RANBP10: variants seen among roughly 807,000 people sequenced by gnomAD.
RANBP10 encodes the protein ran-binding protein 10.
A neutral mutation model predicts 72.8 loss-of-function variants in RANBP10; 24 were observed. The observed-to-expected ratio is 0.33, with a 90% confidence interval of 0.24 to 0.46. The LOEUF (loss-of-function observed/expected upper bound fraction) is 0.46. Among genes scored for constraint, RANBP10 ranks in the 20% least tolerant of loss-of-function variants. RANBP10 has a pLI of 1.00. For synonymous variants in RANBP10, 310 were observed against 322.3 expected, an observed-to-expected ratio of 0.96 and a Z score of 0.41; for missense variants, 679 against 817.5, an observed-to-expected ratio of 0.83 and a Z score of 2.07.
chr16:67,772,196 A>C lies in RANBP10; in HGVS notation c.348-110T>G, dbSNP rs528093659. The C allele has an allele frequency of 1.1e-4, 129 of 1,163,890 alleles. No homozygotes were observed. The East Asian group carries it at 3.0e-3, about 27-fold the overall frequency. 72.1% of individuals were successfully genotyped at this position (1,163,890 alleles called of 1,614,324 possible). A position where few individuals can be genotyped will look rare whatever the true frequency, so the allele number is the denominator to read the frequency against. Reference sequence around the variant, plus strand: ...AGACAGAAAAATGAGAAAAGCAATGAATGTAGAGGCTCTTATAACATACTA... The same window carrying C: ...AGACAGAAAAATGAGAAAAGCAATGCATGTAGAGGCTCTTATAACATACTA... On this transcript the variant is annotated intron_variant, in intron 2 of 13. Coordinates refer to ENST00000317506, the MANE Select transcript of RANBP10 (RefSeq NM_020850.3).
At chr16:67,773,134 G>A (rs2054637687) in intron 2 of RANBP10, among the ~76,000 whole-genome samples, 1 of 152,212 alleles carries the variant, frequency 6.6e-6, no homozygotes, top group South Asian at 2.1e-4. Context: ...GGTGGCAGGT[G>A]TTAAGATCAT....
Position 67,729,898 on chromosome 16 carries a change from G to A in RANBP10, c.998+40C>T, listed in dbSNP as rs1192656832. On this transcript the variant is annotated intron_variant, in intron 8 of 13. Coordinates refer to ENST00000317506, the MANE Select transcript of RANBP10 (RefSeq NM_020850.3). This position sits in a 1 kb window ranked among gnomAD's most constrained non-coding sequence, Gnocchi z 7.1. ...TGACGTTCCCACCACCAGCTGAGAGGGGCTGGACTCTGGGGGAGCTGGGGG... is the reference window on the plus strand; with the variant it reads ...TGACGTTCCCACCACCAGCTGAGAGAGGCTGGACTCTGGGGGAGCTGGGGG... 2.5e-6 allele frequency: 4 copies of A among 1,613,492 alleles called. No homozygotes were observed. The highest frequency in any genetic ancestry group is 3.4e-6 in the Non-Finnish European group (4 of 1,179,808).
intron 5 of RANBP10, among the ~76,000 whole-genome samples, chr16:67,737,475 T>C (rs2053876348): frequency 1.3e-5 from 2 of 152,030 alleles, no homozygotes; most frequent in African/African-American, 4.8e-5. Flanking sequence ...GTGCTGGGAT[T>C]ACAGGTGTGA....
At chr16:67,774,759 G>GTCACCCA (rs1298618096) in intron 2 of RANBP10, among the ~76,000 whole-genome samples, 12 of 152,154 alleles carry the variant, frequency 7.9e-5, no homozygotes, top group African/African-American at 2.7e-4. Context: ...CAAATACTGG[G>GTCACCCA]TGACATTAAG....
At chr16:67,750,030 C>A (rs1184665987) in intron 3 of RANBP10, among the ~76,000 whole-genome samples, 1 of 152,224 alleles carries the variant, frequency 6.6e-6, no homozygotes, top group Non-Finnish European at 1.5e-5. Flanking sequence ...CAGTAACTGA[C>A]AACAATGTGG....
chr16:67,793,703 G>T (rs952973804), intron 2 of RANBP10, among the ~76,000 whole-genome samples: 8 of 152,004 alleles, frequency 5.3e-5, no homozygotes, highest in African/African-American at 1.7e-4. Flanking sequence ...TCTAAGTCTT[G>T]ATAATTTTAT....
intron 2 of RANBP10, among the ~76,000 whole-genome samples, chr16:67,776,446 A>G (rs1216095555): frequency 7.4e-6 from 1 of 134,332 alleles, no homozygotes; most frequent in African/African-American, 2.9e-5. Flanking sequence ...CGGACAACAG[A>G]CACGGACTCC....
intron 4 of RANBP10, among the ~76,000 whole-genome samples, chr16:67,740,667 A>C (rs1331878060): frequency 1.3e-5 from 2 of 152,164 alleles, no homozygotes; most frequent in Non-Finnish European, 2.9e-5. Context: ...GGCACTATTC[A>C]ATCCTCAGAA....
chr16:67,769,443 C>CAAAAAAAAAAA (rs768960411), intron 3 of RANBP10, among the ~76,000 whole-genome samples: 17,683 of 29,978 alleles, frequency 0.59, 7,758 homozygotes, highest in East Asian at 0.88. Context: ...GACCCTGTCT[C>CAAAAAAAAAAA]AAAAAAAAAA....
intron 3 of RANBP10, among the ~76,000 whole-genome samples, chr16:67,771,665 T>G (rs1468853214): frequency 2.6e-5 from 4 of 152,128 alleles, no homozygotes; most frequent in African/African-American, 9.7e-5. Flanking sequence ...TTTAACACGA[T>G]GAAGTAACAA....
Position 67,735,042 on chromosome 16 carries a change from C to T in RANBP10, c.592G>A (p.Ala198Thr). The T allele has an allele frequency of 6.3e-7, 1 of 1,588,468 alleles. No individual in the cohort carries two copies. Residue 198 changes from alanine to threonine, a missense_variant and splice_region_variant, in exon 6 of 14, where the codon GCC (alanine) becomes ACC (threonine). Ala to Thr is a moderately conservative substitution (Grantham distance 58). Coordinates refer to ENST00000317506, the MANE Select transcript of RANBP10 (RefSeq NM_020850.3). ...SLGIAFTDLP[A>T]NLYPTVGLQT... ...AGGCCTACGGTGGGGTAGAGGTTGG[C>T]CTGAGGAGGAGAATGAAATGTCAGT... is the stretch of plus-strand genomic sequence containing the variant.
At chr16:67,733,858 G>A (rs927879386) in intron 6 of RANBP10, among the ~76,000 whole-genome samples, 6 of 152,158 alleles carry the variant, frequency 3.9e-5, no homozygotes, top group African/African-American at 1.4e-4. Context: ...CCTAGGCCCT[G>A]AAAACTGAGA....
At chr16:67,764,858 C>A (rs1238787328) in intron 3 of RANBP10, among the ~76,000 whole-genome samples, 2 of 152,138 alleles carry the variant, frequency 1.3e-5, no homozygotes, top group African/African-American at 4.8e-5. Context: ...TAATAAAAGT[C>A]TGATTGATAA....
chr16:67,735,907 G>A (rs769699331), intron 5 of RANBP10, among the ~76,000 whole-genome samples: 14 of 152,138 alleles, frequency 9.2e-5, no homozygotes, highest in Non-Finnish European at 2.1e-4. Flanking sequence ...GTGAAGAGAA[G>A]CTACCCTTCC....
intron 2 of RANBP10, among the ~76,000 whole-genome samples, chr16:67,791,273 A>G (rs1042961065): frequency 5.3e-5 from 8 of 152,132 alleles, no homozygotes; most frequent in South Asian, 2.1e-4. Flanking sequence ...TCGGCCTCCC[A>G]AAGTGCTGGG....
intron 2 of RANBP10, among the ~76,000 whole-genome samples, chr16:67,776,795 G>GA (rs964103923): frequency 3.5e-4 from 45 of 129,336 alleles, no homozygotes; most frequent in Admixed American, 4.7e-4. Flanking sequence ...AAAAGAAAAA[G>GA]AAAAAAAAAA....
At chr16:67,772,923 C>G (rs556695773) in intron 2 of RANBP10, among the ~76,000 whole-genome samples, 1 of 152,302 alleles carries the variant, frequency 6.6e-6, no homozygotes, top group East Asian at 1.9e-4. Context: ...TAAATACCAT[C>G]TTACCTTTGC....
chr16:67,767,502 C>T (rs916952588), intron 3 of RANBP10, among the ~76,000 whole-genome samples: 2 of 150,206 alleles, frequency 1.3e-5, no homozygotes, highest in Non-Finnish European at 3.0e-5. Context: ...TAACTCGCGC[C>T]TATAATCCCA....
intron 3 of RANBP10, among the ~76,000 whole-genome samples, chr16:67,751,473 A>C (rs2054194327): frequency 6.6e-6 from 1 of 152,074 alleles, no homozygotes; most frequent in African/African-American, 2.4e-5. Flanking sequence ...AAAAATAGAA[A>C]ACTTAGCTGG....
Sources: gnomAD v4.1 joint callset for allele counts (sites outside exome capture counted in the v4.1 genomes callset) on GRCh38, gnomAD v4.1.1 for gene constraint, Gnocchi (gnomAD v3.1) non-coding constraint, MANE v1.5 for transcripts, NCBI Gene and HGNC (gene_info 2026-07-23, HGNC 2026-07-21) for gene names.